TTC34: variants seen among roughly 807,000 people sequenced by gnomAD.
The protein encoded by TTC34 is tetratricopeptide repeat domain 34, also known as tetratricopeptide repeat protein 34.
TTC34 carries 44 observed loss-of-function variants against 40.7 expected under a neutral mutation model. The ratio of observed to expected loss-of-function variants is 1.08; its 90% confidence interval spans 0.85 to 1.39. TTC34 has a LOEUF of 1.39. Ranked by LOEUF, TTC34 falls within the 40% of genes most tolerant of loss-of-function variation. TTC34 has a pLI of 0.00. For synonymous variants in TTC34, 422 were observed against 398.6 expected (o/e 1.06, Z -0.70); for missense variants, 884 against 838.0 (o/e 1.05, Z -0.68).
At position 2,687,554 on chromosome 1, in the gene TTC34, C is replaced by G. The variant is rs1383930227; in HGVS notation, c.2227-41991G>C. 2.1e-5 allele frequency among the ~76,000 whole-genome samples: 3 copies of G among 143,524 alleles called. No individual in the cohort carries two copies. In the South Asian group the frequency reaches 6.4e-4, roughly 31 times the overall value. 94.2% of individuals were successfully genotyped at this position (143,524 alleles called of 152,430 possible). ...CAGGTGAGCATCTGACAGCATGGAG[C>G]AGCACGCTGCACCGCCAGGTGACGA... On this transcript the variant is annotated intron_variant, in intron 6 of 8. Coordinates refer to ENST00000401095, the Ensembl canonical transcript of TTC34.
At chr1:2,647,836 TTTTCCTTAGATTGGATAA>T (rs1353790037) in intron 6 of TTC34, among the ~76,000 whole-genome samples, 8 of 152,294 alleles carry the variant, frequency 5.3e-5, no homozygotes, top group Admixed American at 3.3e-4. Flanking sequence ...TTTTCCCTGC[TTTTCCTTAGATTGGATAA>T]TTTCCTTAGA....
intron 6 of TTC34, chr1:2,776,111 A>G (rs1410477486): frequency 7.2e-6 from 1 of 138,230 alleles, no homozygotes; most frequent in Non-Finnish European, 1.5e-5. Flanking sequence ...ATAAGTGGGA[A>G]AAAGCTCCCC....
chr1:2,750,478 C>T lies in TTC34; in HGVS notation c.2226+33131G>A, dbSNP rs1291206294. Among the ~76,000 whole-genome samples the T allele has an allele frequency of 2.2e-5, 3 of 135,364 alleles. 1 individual carries two copies. The highest frequency in any genetic ancestry group is 3.2e-5 in the Non-Finnish European group (2 of 63,122). 88.8% of individuals were successfully genotyped at this position (135,364 alleles called of 152,430 possible). On this transcript the variant is annotated intron_variant, in intron 6 of 8. Coordinates refer to ENST00000401095, the Ensembl canonical transcript of TTC34. ...GAGTATCTGACGGCCTGGAACAGCA[C>T]CCACACCCCCAGTTGAGCATTGGAC...
At chr1:2,794,572 T>C (rs1454310360) in intron 2 of TTC34, among the ~76,000 whole-genome samples, 1 of 152,238 alleles carries the variant, frequency 6.6e-6, no homozygotes, top group African/African-American at 2.4e-5. Context: ...TGTGACTTCC[T>C]TTCTGGTCTT....
chr1:2,778,632 C>T (rs1442783685), intron 6 of TTC34, among the ~76,000 whole-genome samples: 2 of 152,206 alleles, frequency 1.3e-5, no homozygotes, highest in Admixed American at 1.3e-4. Context: ...TGGGGGGAGA[C>T]AGGCAGGGGA....
rs1379000391 is a variant in TTC34 at position 2,645,266 on chromosome 1, G to A, written c.2497+27C>T. On this transcript the variant is annotated intron_variant, in intron 7 of 8. Transcript: ENST00000401095. The surrounding 1 kb of genome is among the most constrained non-coding windows in gnomAD (Gnocchi z 4.7). Reference sequence around the variant, plus strand: ...GCGGGGACAGAAGCCCAGACCCCGTGTTTCCCACCTTGGGGCCGCCGCATA... The same window carrying A: ...GCGGGGACAGAAGCCCAGACCCCGTATTTCCCACCTTGGGGCCGCCGCATA... The A allele has an allele frequency of 6.9e-6, 10 of 1,442,058 alleles. No homozygotes were observed. In the African/African-American group the frequency reaches 1.4e-4, roughly 21 times the overall value. The allele number at this position is 1,442,058 out of a possible 1,614,324, so 89.3% of individuals were successfully genotyped here.
intron 6 of TTC34, among the ~76,000 whole-genome samples, chr1:2,753,330 C>A (rs1368995275): frequency 2.1e-3 from 199 of 95,502 alleles, no homozygotes; most frequent in East Asian, 3.0e-3. Flanking sequence ...GGAGCATCAC[C>A]CACACCCCCA....
At chr1:2,694,779 G>A (rs371172918) in intron 6 of TTC34, among the ~76,000 whole-genome samples, 6 of 34,274 alleles carry the variant, frequency 1.8e-4, no homozygotes, top group South Asian at 8.5e-4. Flanking sequence ...ACAGCCTGGA[G>A]CAGCACCCAC....
exon 9 of TTC34, chr1:2,641,477 G>A (rs1314287519): frequency 6.5e-7 from 1 of 1,535,608 alleles, no homozygotes; most frequent in Admixed American, 2.0e-5. Context: ...CGCCGTCCAG[G>A]CCTCTGCGTG....
chr1:2,789,964 G>A (rs1285380536), exon 3 of TTC34: 2 of 391,854 alleles, frequency 5.1e-6, no homozygotes, highest in South Asian at 1.3e-4. Context: ...TGGCCCGGGC[G>A]CCCGCCGCGT....
chr1:2,671,253 T>TCG (rs1639695174), intron 6 of TTC34, among the ~76,000 whole-genome samples: 5 of 986 alleles, frequency 5.1e-3, no homozygotes, highest in African/African-American at 0.012. Flanking sequence ...TGACAGCCTG[T>TCG]AACAGCAGCC....
In TTC34 at chr1:2,690,942, T is replaced by G. The variant is rs201367751; in HGVS notation, c.2227-45379A>C. Among the ~76,000 whole-genome samples the G allele has an allele frequency of 7.6e-4, 6 of 7,850 alleles. No homozygotes were observed. In the East Asian group the frequency reaches 0.017, roughly 22 times the overall value. 5.1% of individuals were successfully genotyped at this position (7,850 alleles called of 152,430 possible). ...GACAGCCTGGAACAGAACCCACACC[T>G]CCAGGTGAGCATCTGACAGACTGGA... is the stretch of plus-strand genomic sequence containing the variant. On this transcript the variant is annotated intron_variant, in intron 6 of 8. Transcript: ENST00000401095.
chr1:2,655,575 C>A (rs1206285332), intron 6 of TTC34, among the ~76,000 whole-genome samples: 1 of 151,868 alleles, frequency 6.6e-6, no homozygotes, highest in African/African-American at 2.4e-5. Context: ...TCTCACAACC[C>A]CAGGTTAGCA....
intron 6 of TTC34, among the ~76,000 whole-genome samples, chr1:2,777,366 C>T (rs535415403): frequency 1.4e-3 from 205 of 150,130 alleles, no homozygotes; most frequent in African/African-American, 4.5e-3. Context: ...CCTGGAGCAA[C>T]ACCCCACACC....
chr1:2,749,454 G>T (rs1350636703), intron 6 of TTC34, among the ~76,000 whole-genome samples: 3 of 87,284 alleles, frequency 3.4e-5, no homozygotes, highest in Non-Finnish European at 6.7e-5. Context: ...CCCCAGGTGA[G>T]CATCTGACGG....
At chr1:2,789,782 C>T (rs1238331556) in exon 3 of TTC34, 1 of 542,364 alleles carries the variant, frequency 1.8e-6, no homozygotes. Flanking sequence ...CACACAGCCC[C>T]CCGGGTGCGG....
At chr1:2,765,688 A>C (rs1641766904) in intron 6 of TTC34, among the ~76,000 whole-genome samples, 1 of 33,628 alleles carries the variant, frequency 3.0e-5, no homozygotes, top group Non-Finnish European at 4.5e-5. Flanking sequence ...CCAGGCGAGC[A>C]TCTGACAGCC....
intron 6 of TTC34, among the ~76,000 whole-genome samples, chr1:2,753,499 C>A (rs1641395998): frequency 1.9e-5 from 2 of 102,798 alleles, no homozygotes; most frequent in Non-Finnish European, 1.8e-5. Context: ...ACCCACACCC[C>A]CAGGCGAGCA....
chr1:2,790,058 AGC>A lies in TTC34; in HGVS notation c.1071_1072del (p.Leu358ProfsTer46). On this transcript the variant is annotated frameshift_variant, in exon 3 of 9. Transcript: ENST00000401095. LOFTEE classifies it high-confidence loss of function. ...AGGCGCCAGGCGAAGCAGGACGCGG[AGC>A]GCGCGGGTTACCGGGGCCAGCAGCT... 1 of 397,622 alleles carries A rather than the reference AGC, an allele frequency of 2.5e-6. No homozygotes were observed. The highest frequency in any genetic ancestry group is 4.4e-6 in the Non-Finnish European group (1 of 225,484). 24.6% of individuals were successfully genotyped at this position (397,622 alleles called of 1,614,324 possible).
Sources: gnomAD v4.1 joint callset for allele counts (sites outside exome capture counted in the v4.1 genomes callset) on GRCh38, gnomAD v4.1.1 for gene constraint, Gnocchi (gnomAD v3.1) non-coding constraint, MANE v1.5 for transcripts, NCBI Gene and HGNC (gene_info 2026-07-23, HGNC 2026-07-21) for gene names.